NRXN3: variants seen among roughly 807,000 people sequenced by gnomAD.
NRXN3 encodes the protein neurexin III.
In NRXN3, 32 loss-of-function variants were observed where a neutral mutation model predicts 137.6. The observed-to-expected ratio is 0.23, with a 90% CI of 0.18 to 0.31. The LOEUF is 0.31. Ranked by LOEUF, NRXN3 falls within the 10% of genes least tolerant of loss-of-function variation. The pLI is 1.00. For missense variants in NRXN3, 1,574 were observed against 2,062.5 expected, an observed-to-expected ratio of 0.76 and a Z score of 4.59; for synonymous variants, 798 against 784.5, an observed-to-expected ratio of 1.02 and a Z score of -0.29.
At chr14:78,626,426 G>T (rs563680048) in intron 4 of NRXN3, among the ~76,000 whole-genome samples, 6 of 151,864 alleles carry the variant, frequency 4.0e-5, no homozygotes, top group Admixed American at 6.6e-5. Flanking sequence ...AGAGTTAAAG[G>T]CATCAATCGT....
chr14:79,056,613 C>T (rs1415594880), intron 15 of NRXN3, among the ~76,000 whole-genome samples: 1 of 152,132 alleles, frequency 6.6e-6, no homozygotes, highest in African/African-American at 2.4e-5. Context: ...TGTGTGGGGT[C>T]TGCAGGATCT....
At chr14:79,762,589 T>G (rs2099042351) in intron 19 of NRXN3, among the ~76,000 whole-genome samples, 1 of 151,662 alleles carries the variant, frequency 6.6e-6, no homozygotes, top group Non-Finnish European at 1.5e-5. Flanking sequence ...TAACTCCATT[T>G]TCTTATCAAT....
chr14:78,667,656 A>T (rs1485403500), intron 6 of NRXN3, among the ~76,000 whole-genome samples: 1 of 152,238 alleles, frequency 6.6e-6, no homozygotes, highest in Non-Finnish European at 1.5e-5. Flanking sequence ...CCAAAGGAGA[A>T]TAATTACTTC....
chr14:79,858,251 G>A (rs1341022825), intron 20 of NRXN3, among the ~76,000 whole-genome samples: 1 of 151,232 alleles, frequency 6.6e-6, no homozygotes, highest in Non-Finnish European at 1.5e-5. Context: ...TGTAGATTTT[G>A]AAACAACAAG....
At chr14:79,363,221 A>C (rs1015933698) in intron 15 of NRXN3, among the ~76,000 whole-genome samples, 4 of 152,162 alleles carry the variant, frequency 2.6e-5, no homozygotes, top group African/African-American at 9.7e-5. Context: ...GCTGGTCTCA[A>C]ACTCCTGACC....
At chr14:79,397,785 A>T (rs541652125) in intron 15 of NRXN3, among the ~76,000 whole-genome samples, 3 of 152,330 alleles carry the variant, frequency 2.0e-5, no homozygotes, top group South Asian at 4.1e-4. Context: ...CAGAACCTGG[A>T]CTTTCATGTC....
intron 4 of NRXN3, among the ~76,000 whole-genome samples, chr14:78,603,401 G>A (rs1053932722): frequency 6.6e-6 from 1 of 152,202 alleles, no homozygotes; most frequent in Non-Finnish European, 1.5e-5. Context: ...CCAGCCAACT[G>A]CCTTGTCCTC....
intron 14 of NRXN3, among the ~76,000 whole-genome samples, chr14:78,987,596 T>C (rs2099509582): frequency 6.6e-6 from 1 of 152,140 alleles, no homozygotes; most frequent in South Asian, 2.1e-4. Context: ...GAAGTAGATA[T>C]AGGGACTGTT....
chr14:78,189,489 C>T (rs1178233829), intron 1 of NRXN3, among the ~76,000 whole-genome samples: 1 of 152,158 alleles, frequency 6.6e-6, no homozygotes, highest in African/African-American at 2.4e-5. Context: ...ATTCTTTTGC[C>T]TCTTCTGACT....
In NRXN3 at chr14:79,862,108, G is replaced by T; in HGVS notation, c.*144G>T. The T allele has an allele frequency of 1.0e-5, 7 of 688,496 alleles. No individual in the cohort carries two copies. The highest frequency in any genetic ancestry group is 1.8e-5 in the African/African-American group (1 of 55,512). The allele number at this position is 688,496 out of a possible 1,614,324, so 42.6% of individuals were successfully genotyped here. On this transcript the variant is annotated 3_prime_UTR_variant, in exon 21 of 21. Transcript: ENST00000335750. ...AACCACGACTCTGGTGGGGAAAACC[G>T]TTTTTTAAAGGACACACACACACAC...
rs768640605 is a variant in NRXN3 at position 79,249,938 on chromosome 14, G to A, written c.3263-217283G>A. Among the ~76,000 whole-genome samples the A allele has an allele frequency of 3.7e-4, 57 of 152,264 alleles. No individual in the cohort carries two copies. The Middle Eastern group carries it at 0.017, about 45-fold the overall frequency. On this transcript the variant is annotated intron_variant, in intron 15 of 20. Transcript: ENST00000335750. ...TAAGCTTTTCATAAAGTATATACCT[G>A]TATTATTAATGTTCTTATGCTAACA... is the stretch of plus-strand genomic sequence containing the variant.
At chr14:78,975,902 C>T (rs1241868033) in intron 14 of NRXN3, among the ~76,000 whole-genome samples, 2 of 152,180 alleles carry the variant, frequency 1.3e-5, no homozygotes, top group Non-Finnish European at 2.9e-5. Context: ...GAATCTACAT[C>T]TCTCTAGGTC....
intron 15 of NRXN3, among the ~76,000 whole-genome samples, chr14:79,286,972 C>T (rs2153453665): frequency 6.6e-6 from 1 of 152,140 alleles, no homozygotes; most frequent in East Asian, 1.9e-4. Context: ...CATTCTAAAC[C>T]AATGTGTACA....
intron 15 of NRXN3, among the ~76,000 whole-genome samples, chr14:79,001,999 A>G (rs368564098): frequency 6.6e-6 from 1 of 152,184 alleles, no homozygotes; most frequent in Non-Finnish European, 1.5e-5. Flanking sequence ...TTTTGAGTAG[A>G]TTATCATTTT....
At chr14:78,986,414 AAG>A (rs1211974639) in intron 14 of NRXN3, among the ~76,000 whole-genome samples, 2 of 152,162 alleles carry the variant, frequency 1.3e-5, no homozygotes, top group Non-Finnish European at 2.9e-5. Context: ...ATGTCAGTAA[AAG>A]AGAGAGAATG....
chr14:78,630,025 A>G (rs892168023), intron 4 of NRXN3, among the ~76,000 whole-genome samples: 1 of 152,132 alleles, frequency 6.6e-6, no homozygotes, highest in Admixed American at 6.5e-5. Flanking sequence ...GATGTGCTTT[A>G]TTTTTTACCT....
chr14:78,773,839 G>A (rs1265667044), intron 8 of NRXN3, among the ~76,000 whole-genome samples: 1 of 152,046 alleles, frequency 6.6e-6, no homozygotes, highest in Non-Finnish European at 1.5e-5. Context: ...GTCTCACTCT[G>A]TCACCAGGTT....
At chr14:79,034,203 G>C (rs912941197) in intron 15 of NRXN3, among the ~76,000 whole-genome samples, 1 of 152,116 alleles carries the variant, frequency 6.6e-6, no homozygotes. Flanking sequence ...TGACTCTTAT[G>C]CTCCCTCATG....
intron 15 of NRXN3, among the ~76,000 whole-genome samples, chr14:79,111,916 T>A (rs1000226722): frequency 6.6e-6 from 1 of 152,172 alleles, no homozygotes; most frequent in East Asian, 1.9e-4. Flanking sequence ...TAATCTATTG[T>A]TCTCAACAAC....
Sources: gnomAD v4.1 joint callset for allele counts (sites outside exome capture counted in the v4.1 genomes callset) on GRCh38, gnomAD v4.1.1 for gene constraint, MANE v1.5 for transcripts, NCBI Gene and HGNC (gene_info 2026-07-23, HGNC 2026-07-21) for gene names.